Variants in AAGAB observed in about 807,000 individuals in gnomAD.
AAGAB encodes alpha- and gamma-adaptin-binding protein p34.
Under a neutral mutation model 44.1 loss-of-function variants are expected in AAGAB, and 38 were observed. The observed-to-expected ratio is 0.86, with a 90% CI of 0.67 to 1.13. AAGAB has a LOEUF of 1.13. Among genes scored for constraint, AAGAB ranks in the 50% most tolerant of loss-of-function variants. AAGAB has a pLI of 0.00. For missense variants in AAGAB, 450 were observed against 373.8 expected, an observed-to-expected ratio of 1.20 and a Z score of -1.68; for synonymous variants, 131 against 131.8, an observed-to-expected ratio of 0.99 and a Z score of 0.04.
intron 4 of AAGAB, among the ~76,000 whole-genome samples, chr15:67,234,600 T>C (rs1002958230): frequency 5.3e-5 from 8 of 152,174 alleles, no homozygotes; most frequent in African/African-American, 1.9e-4. Flanking sequence ...AAAGATGACA[T>C]ATCAAAAAAC....
At chr15:67,244,691 C>G (rs1480983560) in intron 1 of AAGAB, among the ~76,000 whole-genome samples, 2 of 152,000 alleles carry the variant, frequency 1.3e-5, no homozygotes, top group African/African-American at 4.8e-5. Context: ...GTAATGCCAG[C>G]TTCTTGGGAG....
At chr15:67,244,732 A>G (rs1964680833) in intron 1 of AAGAB, among the ~76,000 whole-genome samples, 2 of 150,098 alleles carry the variant, frequency 1.3e-5, no homozygotes, top group South Asian at 4.3e-4. Flanking sequence ...TGAACCCCAG[A>G]GGCGGAGGCT....
chr15:67,210,695 G>C (rs1235840153), intron 5 of AAGAB, among the ~76,000 whole-genome samples: 1 of 152,072 alleles, frequency 6.6e-6, no homozygotes, highest in Non-Finnish European at 1.5e-5. Context: ...GAATGACCTG[G>C]AACACTTTAT....
chr15:67,229,636 G>A (rs964561471), intron 5 of AAGAB, among the ~76,000 whole-genome samples: 10 of 152,014 alleles, frequency 6.6e-5, no homozygotes, highest in Non-Finnish European at 1.3e-4. Flanking sequence ...AGAGGAAGGA[G>A]TACCTTATTA....
chr15:67,210,205 A>T (rs1374727813), intron 5 of AAGAB, among the ~76,000 whole-genome samples: 3 of 152,220 alleles, frequency 2.0e-5, no homozygotes, highest in Admixed American at 2.0e-4. Flanking sequence ...GGTGAAAAGG[A>T]ATATGAATGC....
At chr15:67,212,255 C>T (rs1028828082) in intron 5 of AAGAB, among the ~76,000 whole-genome samples, 1 of 152,142 alleles carries the variant, frequency 6.6e-6, no homozygotes, top group Non-Finnish European at 1.5e-5. Context: ...AGGAGCTAGA[C>T]TCATCACTGT....
intron 5 of AAGAB, among the ~76,000 whole-genome samples, chr15:67,223,950 C>T (rs1365189085): frequency 2.6e-5 from 4 of 152,184 alleles, no homozygotes; most frequent in Non-Finnish European, 4.4e-5. Context: ...TGAAACACCT[C>T]ATCTCCTTGC....
At chr15:67,252,586 T>C (rs1250968839) in intron 1 of AAGAB, among the ~76,000 whole-genome samples, 1 of 152,194 alleles carries the variant, frequency 6.6e-6, no homozygotes, top group Non-Finnish European at 1.5e-5. Context: ...GCTATTTTCT[T>C]TTCTCTGTAT....
At position 67,236,335 on chromosome 15, in the gene AAGAB, G is replaced by T. The variant is rs191746737; in HGVS notation, c.361+73C>A. 2.0e-5 allele frequency: 27 copies of T among 1,361,604 alleles called. No individual in the cohort carries two copies. In the Admixed American group the frequency reaches 4.9e-4, roughly 25 times the overall value. 84.3% of individuals were successfully genotyped at this position (1,361,604 alleles called of 1,614,324 possible). A position where few individuals can be genotyped will look rare whatever the true frequency, so the allele number is the denominator to read the frequency against. ...CATGGGATGTATGTCCTAAGTTAAAGAAACAGATGTACTCTGTTTATCAAG... is the reference window on the plus strand; with the variant it reads ...CATGGGATGTATGTCCTAAGTTAAATAAACAGATGTACTCTGTTTATCAAG... On this transcript the variant is annotated intron_variant, in intron 3 of 9. Coordinates refer to ENST00000261880, the MANE Select transcript of AAGAB (RefSeq NM_024666.5).
At chr15:67,245,974 C>T (rs1419715854) in intron 1 of AAGAB, among the ~76,000 whole-genome samples, 1 of 152,176 alleles carries the variant, frequency 6.6e-6, no homozygotes, top group Non-Finnish European at 1.5e-5. Flanking sequence ...GATCCAAATA[C>T]AGTGACACTT....
chr15:67,207,739 T>G (rs1434887141), intron 7 of AAGAB, among the ~76,000 whole-genome samples: 1 of 152,148 alleles, frequency 6.6e-6, no homozygotes, highest in Non-Finnish European at 1.5e-5. Context: ...CACTTCAGTG[T>G]GATTACTAGT....
intron 5 of AAGAB, among the ~76,000 whole-genome samples, chr15:67,214,548 C>T (rs564720427): frequency 6.6e-6 from 1 of 152,326 alleles, no homozygotes; most frequent in East Asian, 1.9e-4. Flanking sequence ...CCAAATGTCC[C>T]CTGGGGGGCA....
chr15:67,248,664 C>G (rs1964786142), intron 1 of AAGAB, among the ~76,000 whole-genome samples: 1 of 152,192 alleles, frequency 6.6e-6, no homozygotes, highest in South Asian at 2.1e-4. Context: ...GTATAGGAGT[C>G]TGACAGACCT....
intron 4 of AAGAB, among the ~76,000 whole-genome samples, chr15:67,233,094 G>A (rs1193347684): frequency 6.6e-6 from 1 of 152,160 alleles, no homozygotes; most frequent in Non-Finnish European, 1.5e-5. Context: ...TGAGTTTCCT[G>A]AAGGCAGGAA....
At chr15:67,224,963 T>C (rs962515953) in intron 5 of AAGAB, among the ~76,000 whole-genome samples, 4 of 152,228 alleles carry the variant, frequency 2.6e-5, no homozygotes, top group Admixed American at 6.5e-5. Context: ...TTCAAAATGC[T>C]GAATTTATTC....
chr15:67,247,545 T>A (rs1314612944), intron 1 of AAGAB, among the ~76,000 whole-genome samples: 2 of 152,224 alleles, frequency 1.3e-5, no homozygotes, highest in Non-Finnish European at 2.9e-5. Flanking sequence ...GTATCATAAG[T>A]GGTTTTGTAC....
chr15:67,253,756 T>TAA (rs34153830), intron 1 of AAGAB, among the ~76,000 whole-genome samples: 5,068 of 142,768 alleles, frequency 0.035, 137 homozygotes, highest in Middle Eastern at 0.055. Context: ...CCCGTCTCTT[T>TAA]AAAAAAAAAA....
At chr15:67,241,845 C>T (rs936415095) in intron 1 of AAGAB, among the ~76,000 whole-genome samples, 1 of 152,148 alleles carries the variant, frequency 6.6e-6, no homozygotes, top group African/African-American at 2.4e-5. Flanking sequence ...TAGTAAGATA[C>T]ATTACAATCA....
upstream of AAGAB, chr15:67,255,004 G>A: frequency 1.3e-6 from 2 of 1,542,700 alleles, no homozygotes; most frequent in Non-Finnish European, 1.8e-6. Context: ...TTCCGAGCGA[G>A]GTCCCGCGCG....
Sources: allele counts gnomAD v4.1 joint callset (sites outside exome capture counted in the v4.1 genomes callset), GRCh38; gene constraint gnomAD v4.1.1; transcripts MANE v1.5; gene names NCBI Gene and HGNC (gene_info 2026-07-23, HGNC 2026-07-21).